The following DNAI4 variants were observed in gnomAD, a reference collection of about 807,000 sequenced individuals.
The protein encoded by DNAI4 is dynein axonemal intermediate chain 4.
A neutral mutation model predicts 105.8 loss-of-function variants in DNAI4; 85 were observed. The ratio of observed to expected loss-of-function variants is 0.80; its 90% confidence interval spans 0.67 to 0.96. The LOEUF (loss-of-function observed/expected upper bound fraction) is 0.96. Ranked by LOEUF, DNAI4 falls within the 40% of genes least tolerant of loss-of-function variation. The pLI is 0.00. For missense variants in DNAI4, 1,014 were observed against 1,005.6 expected, an observed-to-expected ratio of 1.01 and a Z score of -0.11; for synonymous variants, 352 against 331.5, an observed-to-expected ratio of 1.06 and a Z score of -0.67.
chr1:66,857,897 A>G (rs1646536686), intron 7 of DNAI4, among the ~76,000 whole-genome samples: 1 of 151,984 alleles, frequency 6.6e-6, no homozygotes, highest in East Asian at 1.9e-4. Context: ...TCTGCCCACA[A>G]AATGTATAAC....
intron 4 of DNAI4, among the ~76,000 whole-genome samples, chr1:66,888,069 T>C (rs1647294578): frequency 6.6e-6 from 1 of 152,162 alleles, no homozygotes; most frequent in Admixed American, 6.6e-5. Context: ...TTCAGAAAAT[T>C]TATGTTGGGA....
At chr1:66,907,588 C>A (rs909951106) in intron 1 of DNAI4, among the ~76,000 whole-genome samples, 1 of 152,198 alleles carries the variant, frequency 6.6e-6, no homozygotes, top group African/African-American at 2.4e-5. Context: ...TCAATGACCA[C>A]AAGTACTCTA....
At chr1:66,847,855 C>A in intron 7 of DNAI4, 177 bp from the exon 8 acceptor site, 2 of 559,318 alleles carry the variant, frequency 3.6e-6, no homozygotes, top group Non-Finnish European at 6.1e-6. Flanking sequence ...GCACATATCT[C>A]ATTTTGGAAT....
chr1:66,818,867 C>T (rs1338811144), intron 16 of DNAI4, among the ~76,000 whole-genome samples: 3 of 152,038 alleles, frequency 2.0e-5, no homozygotes, highest in African/African-American at 7.2e-5. Flanking sequence ...GAGCCAAGAT[C>T]GTGCCACTGC....
At chr1:66,907,546 A>G (rs1649352654) in intron 1 of DNAI4, among the ~76,000 whole-genome samples, 2 of 152,068 alleles carry the variant, frequency 1.3e-5, no homozygotes, top group African/African-American at 4.8e-5. Flanking sequence ...ATTTCTCACT[A>G]TATACACTAT....
rs1460492679 is a variant in DNAI4, at chr1:66,905,202, T to C, written c.344A>G (p.Gln115Arg). 4 of 1,492,608 alleles carry C rather than the reference T, an allele frequency of 2.7e-6. No homozygotes were observed. Among genetic ancestry groups the C allele is most frequent in the Non-Finnish European group, 3.6e-6 (4 of 1,106,398 alleles). 92.5% of individuals were successfully genotyped at this position (1,492,608 alleles called of 1,614,324 possible). ...AACTCAGAATTCTAAGAATATTACC[T>C]GTGTTGTCTTTATATTGGGATTTGG... ...EKPNPNIKTT[Q>R]VFDINGTDVT... Residue 115 changes from glutamine to arginine, a missense_variant and splice_region_variant, in exon 2 of 17, where the codon CAG (glutamine) becomes CGG (arginine). By Grantham distance (43) the Gln-to-Arg change is conservative. Transcript: ENST00000371026.
At chr1:66,822,303 A>G (rs969742600) in intron 16 of DNAI4, 58 bp downstream of exon 16, 4 of 1,417,248 alleles carry the variant, frequency 2.8e-6, no homozygotes, top group Non-Finnish European at 3.8e-6. Context: ...GCATGCTACA[A>G]AAGTATAACT....
chr1:66,865,020 A>T (rs1002341441), intron 6 of DNAI4, among the ~76,000 whole-genome samples: 18 of 152,154 alleles, frequency 1.2e-4, no homozygotes, highest in Admixed American at 2.0e-4. Context: ...TTTACACTAC[A>T]CATGTATGTG....
chr1:66,824,377 T>C (rs2100349586), intron 15 of DNAI4, among the ~76,000 whole-genome samples: 1 of 152,084 alleles, frequency 6.6e-6, no homozygotes, highest in South Asian at 2.1e-4. Context: ...GGCTTAGGAT[T>C]GACTTGGCGA....
intron 1 of DNAI4, among the ~76,000 whole-genome samples, chr1:66,923,584 A>G (rs1225155982): frequency 6.6e-6 from 1 of 152,202 alleles, no homozygotes; most frequent in Non-Finnish European, 1.5e-5. Flanking sequence ...GCTTCATTCA[A>G]AAAGAATGAA....
chr1:66,900,791 T>A (rs531664285), intron 2 of DNAI4, among the ~76,000 whole-genome samples: 1 of 152,340 alleles, frequency 6.6e-6, no homozygotes, highest in South Asian at 2.1e-4. Flanking sequence ...AATAGTATTT[T>A]AGTGAATTCC....
At chr1:66,882,225 T>C (rs1647088830) in intron 4 of DNAI4, among the ~76,000 whole-genome samples, 1 of 152,256 alleles carries the variant, frequency 6.6e-6, no homozygotes, top group East Asian at 1.9e-4. Context: ...AAGTCCGTTA[T>C]GATCTATTTG....
At position 66,912,957 on chromosome 1, in the gene DNAI4, T is replaced by C. The variant is rs2094059; in HGVS notation, c.171-7582A>G. 3.7e-3 allele frequency among the ~76,000 whole-genome samples: 562 copies of C among 152,332 alleles called. 3 individuals are homozygous for C. Among genetic ancestry groups the C allele is most frequent in the African/African-American group, 0.012 (517 of 41,572 alleles). On this transcript the variant is annotated intron_variant, in intron 1 of 16. Coordinates refer to ENST00000371026, the MANE Select transcript of DNAI4 (RefSeq NM_024763.5). ...TTTGCTAGGGATCTAAAGTTTATTT[T>C]GCTGTACAACTCCCTTTTTTTTGGA... is the stretch of plus-strand genomic sequence containing the variant.
rs201757261 is a variant in DNAI4, at chr1:66,834,090, G to T, written c.1792C>A (p.Arg598=). ...VWQLQWIEQD[R]GTTGDGKREI... Reference sequence around the variant, plus strand: ...CTTTTGCCATCTCCTGTTGTTCCTCGATCTTGTTCTATCCACTGTAGTTGC... The same window carrying T: ...CTTTTGCCATCTCCTGTTGTTCCTCTATCTTGTTCTATCCACTGTAGTTGC... Residue 598 remains arginine, a synonymous_variant, in exon 12 of 17, where the codon CGA becomes AGA. Coordinates refer to ENST00000371026, the MANE Select transcript of DNAI4 (RefSeq NM_024763.5). 2 of 1,611,746 alleles carry T rather than the reference G, an allele frequency of 1.2e-6. No individual in the cohort carries two copies. The highest frequency in any genetic ancestry group is 1.7e-6 in the Non-Finnish European group (2 of 1,179,176).
chr1:66,846,318 C>T (rs1646273721), intron 8 of DNAI4, among the ~76,000 whole-genome samples: 1 of 152,086 alleles, frequency 6.6e-6, no homozygotes, highest in South Asian at 2.1e-4. Context: ...CCATTTGTCA[C>T]ACATACTATT....
chr1:66,871,584 T>G, intron 5 of DNAI4, 75 bp from the exon 6 acceptor site: 1 of 1,350,142 alleles, frequency 7.4e-7, no homozygotes, highest in Admixed American at 2.6e-5. Flanking sequence ...TATTATTCTT[T>G]TCCCTAAAAT....
chr1:66,893,090 AAAGAAAG>A (rs1647959240), intron 3 of DNAI4, 132 bp downstream of exon 3: 1 of 417,878 alleles, frequency 2.4e-6, no homozygotes, highest in Non-Finnish European at 4.1e-6. Context: ...AGAAAGAAAG[AAAGAAAG>A]AAAGAAAGAA....
intron 9 of DNAI4, among the ~76,000 whole-genome samples, chr1:66,838,903 T>C (rs1271829384): frequency 1.3e-5 from 2 of 152,202 alleles, no homozygotes; most frequent in South Asian, 2.1e-4. Context: ...GGTCTATGTA[T>C]AACTTCATTA....
At chr1:66,919,023 A>G in intron 1 of DNAI4, 1 of 406,004 alleles carries the variant, frequency 2.5e-6, no homozygotes, top group Admixed American at 2.6e-5. Context: ...CCTACCTGTG[A>G]CCTGGAAGCC....
Sources: gnomAD v4.1 joint callset for allele counts (sites outside exome capture counted in the v4.1 genomes callset) on GRCh38, gnomAD v4.1.1 for gene constraint, MANE v1.5 for transcripts, NCBI Gene and HGNC (gene_info 2026-07-23, HGNC 2026-07-21) for gene names.